The following DYRK1A variants were observed in gnomAD, a reference collection of about 807,000 sequenced individuals.
The protein encoded by DYRK1A is dual specificity tyrosine-phosphorylation-regulated kinase 1A.
Under a neutral mutation model 79.7 loss-of-function variants are expected in DYRK1A, and 9 were observed. The ratio of observed to expected loss-of-function variants is 0.11; its 90% CI spans 0.07 to 0.20. DYRK1A has a LOEUF of 0.20. Among genes scored for constraint, DYRK1A ranks in the 10% least tolerant of loss-of-function variants. DYRK1A has a pLI of 1.00. For missense variants in DYRK1A, 622 were observed against 956.0 expected (o/e 0.65, Z 4.61); for synonymous variants, 349 against 329.7 (o/e 1.06, Z -0.63).
chr21:37,463,344 C>G (rs916467763), intron 2 of DYRK1A, among the ~76,000 whole-genome samples: 2 of 152,118 alleles, frequency 1.3e-5, no homozygotes, highest in Non-Finnish European at 2.9e-5. Context: ...TTTGCATAGT[C>G]ACAGTCATTG....
intron 1 of DYRK1A, among the ~76,000 whole-genome samples, chr21:37,405,518 C>T (rs778832365): frequency 1.3e-5 from 2 of 152,130 alleles, no homozygotes; most frequent in Non-Finnish European, 2.9e-5. Flanking sequence ...CCCCACCCAC[C>T]TATTACTTTC....
chr21:37,429,649 C>T (rs1263645534), intron 2 of DYRK1A, among the ~76,000 whole-genome samples: 1 of 152,200 alleles, frequency 6.6e-6, no homozygotes, highest in African/African-American at 2.4e-5. Context: ...TCTCCTCCAA[C>T]ATTGAGAATT....
chr21:37,440,261 G>A (rs1312634171), intron 2 of DYRK1A, among the ~76,000 whole-genome samples: 1 of 148,504 alleles, frequency 6.7e-6, no homozygotes, highest in Non-Finnish European at 1.5e-5. Context: ...TCAGCCTCCT[G>A]AGTAGCTGGG....
At chr21:37,425,524 A>AT (rs2050594506) in intron 2 of DYRK1A, among the ~76,000 whole-genome samples, 1 of 152,228 alleles carries the variant, frequency 6.6e-6, no homozygotes, top group African/African-American at 2.4e-5. Flanking sequence ...GTAAAATTGA[A>AT]TTTTTTACCT....
intron 1 of DYRK1A, among the ~76,000 whole-genome samples, chr21:37,413,256 G>A (rs1419701143): frequency 2.6e-5 from 4 of 152,034 alleles, no homozygotes; most frequent in Admixed American, 2.6e-4. Flanking sequence ...TCTGGGCCTT[G>A]TTATTTTTCT....
chr21:37,406,527 T>A (rs2050148649), intron 1 of DYRK1A, among the ~76,000 whole-genome samples: 1 of 152,032 alleles, frequency 6.6e-6, no homozygotes, highest in Non-Finnish European at 1.5e-5. Flanking sequence ...GAAACCCTTC[T>A]GTACTAAAAA....
Position 37,454,560 on chromosome 21 carries a change from G to A in DYRK1A, c.11-18124G>A, listed in dbSNP as rs73408696. Among the ~76,000 whole-genome samples, 685 of 152,124 alleles carry A rather than the reference G, an allele frequency of 4.5e-3. 4 individuals are homozygous for A. The highest frequency in any genetic ancestry group is 0.015 in the African/African-American group (642 of 41,496). The stretch of plus-strand genomic sequence containing the variant: ...TTTAGGTTATGACCTCACATTTTCA[G>A]GTAATGATATTCTAAATCTTTCAAA... On this transcript the variant is annotated intron_variant, in intron 2 of 11. Coordinates refer to ENST00000647188, the MANE Select transcript of DYRK1A (RefSeq NM_001347721.2).
intron 2 of DYRK1A, among the ~76,000 whole-genome samples, chr21:37,433,539 A>G (rs1241883865): frequency 6.6e-6 from 1 of 152,222 alleles, no homozygotes; most frequent in Non-Finnish European, 1.5e-5. Context: ...TCTTACCTTT[A>G]TCCTTCGGAA....
intron 2 of DYRK1A, chr21:37,425,752 T>G (rs1209732116): frequency 2.0e-5 from 3 of 152,160 alleles, no homozygotes; most frequent in African/African-American, 7.2e-5. Context: ...CAAGACTAGG[T>G]GAACAGTATC....
chr21:37,394,304 G>T (rs1969239021), intron 1 of DYRK1A, among the ~76,000 whole-genome samples: 1 of 150,576 alleles, frequency 6.6e-6, no homozygotes, highest in Admixed American at 6.6e-5. Context: ...CAACATGCAG[G>T]TTTGTTACCT....
chr21:37,399,658 T>A (rs1362448396), intron 1 of DYRK1A, among the ~76,000 whole-genome samples: 1 of 152,126 alleles, frequency 6.6e-6, no homozygotes, highest in African/African-American at 2.4e-5. Flanking sequence ...GGTAGCTCAG[T>A]GTTGGGTTTC....
chr21:37,374,079 TAAC>T (rs773800652), intron 1 of DYRK1A, among the ~76,000 whole-genome samples: 4 of 152,146 alleles, frequency 2.6e-5, no homozygotes, highest in Non-Finnish European at 4.4e-5. Flanking sequence ...TTGGGTCTAA[TAAC>T]AGTTATTTTA....
At chr21:37,379,361 C>T (rs2049611395) in intron 1 of DYRK1A, among the ~76,000 whole-genome samples, 1 of 152,100 alleles carries the variant, frequency 6.6e-6, no homozygotes, top group Admixed American at 6.6e-5. Flanking sequence ...TTCCAACAGA[C>T]CAAAGTGAGT....
At chr21:37,397,732 A>T (rs185041995) in intron 1 of DYRK1A, among the ~76,000 whole-genome samples, 2 of 152,050 alleles carry the variant, frequency 1.3e-5, no homozygotes, top group Admixed American at 1.3e-4. Context: ...GGAGATTCTG[A>T]TGGTTGTGTT....
chr21:37,433,691 G>A (rs898684680), intron 2 of DYRK1A, among the ~76,000 whole-genome samples: 2 of 152,164 alleles, frequency 1.3e-5, no homozygotes, highest in African/African-American at 4.8e-5. Context: ...CTTAAGCCTT[G>A]ACTCGTAGTG....
At chr21:37,368,305 A>G (rs1004628387) in intron 1 of DYRK1A, among the ~76,000 whole-genome samples, 35 of 152,082 alleles carry the variant, frequency 2.3e-4, no homozygotes, top group Non-Finnish European at 2.8e-4. Flanking sequence ...TAGAATAGAT[A>G]CCTGTGTATC....
chr21:37,482,608 A>G (rs1487429283), intron 5 of DYRK1A, among the ~76,000 whole-genome samples: 1 of 152,238 alleles, frequency 6.6e-6, no homozygotes, highest in African/African-American at 2.4e-5. Flanking sequence ...CACCACTGTC[A>G]TTGATAACAT....
intron 1 of DYRK1A, among the ~76,000 whole-genome samples, chr21:37,369,056 A>G (rs921401914): frequency 1.3e-5 from 2 of 152,156 alleles, no homozygotes; most frequent in South Asian, 4.1e-4. Flanking sequence ...AACAATTTTG[A>G]TTATAGTCAT....
intron 8 of DYRK1A, 90 bp downstream of exon 8, chr21:37,493,253 C>G: frequency 1.5e-6 from 2 of 1,298,400 alleles, no homozygotes; most frequent in Non-Finnish European, 2.1e-6. Flanking sequence ...TGTTTTTAGG[C>G]AAAGATGTCT....
Sources: gnomAD v4.1 joint callset for allele counts (sites outside exome capture counted in the v4.1 genomes callset) on GRCh38, gnomAD v4.1.1 for gene constraint, MANE v1.5 for transcripts, NCBI Gene and HGNC (gene_info 2026-07-23, HGNC 2026-07-21) for gene names.